Variants in COL6A6 observed in about 807,000 individuals in gnomAD.
The protein encoded by COL6A6 is collagen alpha-6(VI) chain.
Under a neutral mutation model 208.6 loss-of-function variants are expected in COL6A6, and 183 were observed. The observed-to-expected ratio is 0.88, with a 90% CI of 0.78 to 0.99. COL6A6 has a LOEUF of 0.99. COL6A6 is among the 50% of genes least tolerant of loss of function. COL6A6 has a pLI of 0.00. For missense variants in COL6A6, 2,816 were observed against 2,815.2 expected (o/e 1.00, Z -0.01); for synonymous variants, 973 against 1,011.8 (o/e 0.96, Z 0.73).
chr3:130,587,400 T>C (rs1000977495), intron 11 of COL6A6, among the ~76,000 whole-genome samples: 2 of 152,200 alleles, frequency 1.3e-5, no homozygotes, highest in Admixed American at 1.3e-4. Flanking sequence ...TAGCTGGGAT[T>C]ACCGGCGCCC....
chr3:130,564,656 C>T (rs1434321158), intron 3 of COL6A6, among the ~76,000 whole-genome samples: 1 of 152,184 alleles, frequency 6.6e-6, no homozygotes, highest in African/African-American at 2.4e-5. Context: ...GTGGATGATG[C>T]TTAAATGATT....
chr3:130,627,391 C>T, intron 26 of COL6A6, 22 bp downstream of exon 26: 1 of 1,611,356 alleles, frequency 6.2e-7, no homozygotes, highest in Non-Finnish European at 8.5e-7. Flanking sequence ...CTGCTGGAAG[C>T]TGGACGTTTT....
intron 1 of COL6A6, among the ~76,000 whole-genome samples, chr3:130,534,903 A>G (rs933181194): frequency 6.6e-6 from 1 of 151,908 alleles, no homozygotes; most frequent in African/African-American, 2.4e-5. Context: ...TATAATGAGT[A>G]TTGGGTTTTT....
chr3:130,607,404 A>G (rs1052400546), intron 21 of COL6A6, among the ~76,000 whole-genome samples: 4 of 152,172 alleles, frequency 2.6e-5, no homozygotes, highest in African/African-American at 4.8e-5. Flanking sequence ...ACCATATCCC[A>G]TTCTCATTGT....
chr3:130,535,362 AC>A (rs1197394989), intron 1 of COL6A6, among the ~76,000 whole-genome samples: 2 of 152,088 alleles, frequency 1.3e-5, no homozygotes, highest in Non-Finnish European at 2.9e-5. Flanking sequence ...CTCATTTTAT[AC>A]TTTTTTGTGC....
intron 18 of COL6A6, among the ~76,000 whole-genome samples, chr3:130,594,687 T>C (rs1273234929): frequency 6.6e-6 from 1 of 152,226 alleles, no homozygotes; most frequent in Non-Finnish European, 1.5e-5. Context: ...ATGTCTTTTT[T>C]TTCTGTTCTT....
At chr3:130,634,359 CT>C (rs759031584) in intron 26 of COL6A6, among the ~76,000 whole-genome samples, 1 of 151,508 alleles carries the variant, frequency 6.6e-6, no homozygotes, top group East Asian at 1.9e-4. Flanking sequence ...CAGATGTATA[CT>C]TTTAGCCACC....
rs549896105 is a variant in COL6A6 at position 130,563,310 on chromosome 3, G to A, written c.307G>A (p.Gly103Arg). 1.7e-5 allele frequency: 27 copies of A among 1,613,972 alleles called. No individual in the cohort carries two copies. In the East Asian group the frequency reaches 2.7e-4, roughly 16 times the overall value. ...HLRKNFGFIG[G>R]SLQIGKALQE... Reference sequence around the variant, plus strand: ...AAGGAAGAACTTTGGATTCATTGGCGGGTCCCTGCAGATAGGAAAGGCTCT... The same window carrying A: ...AAGGAAGAACTTTGGATTCATTGGCAGGTCCCTGCAGATAGGAAAGGCTCT... Residue 103 changes from glycine (G) to arginine (R), a missense_variant, in exon 3 of 37, where the codon GGG (glycine) becomes AGG (arginine). Gly to Arg is a moderately radical substitution (Grantham distance 125). Coordinates refer to ENST00000358511, the MANE Select transcript of COL6A6 (RefSeq NM_001102608.3).
rs1237653633 is a variant in COL6A6, at chr3:130,662,210, AC to A, written c.6407del (p.Pro2136LeufsTer21). ...DDKELEDLAS[H>X]PLDHHLVQLG... Reference sequence around the variant, plus strand: ...AAGGAACTGGAGGATCTCGCCAGCCACCCTTTGGATCACCACCTGGTCCAGC... The same window carrying A: ...AAGGAACTGGAGGATCTCGCCAGCCACCTTTGGATCACCACCTGGTCCAGC... On this transcript the variant is annotated frameshift_variant, in exon 35 of 37. Transcript: ENST00000358511. LOFTEE classifies it high-confidence loss of function. 20 of 1,613,884 alleles carry A rather than the reference AC, an allele frequency of 1.2e-5. No homozygotes were observed. Among genetic ancestry groups the A allele is most frequent in the Non-Finnish European group, 1.5e-5 (18 of 1,179,882 alleles).
At chr3:130,519,808 T>C (rs1196280925) in intron 1 of COL6A6, among the ~76,000 whole-genome samples, 1 of 152,210 alleles carries the variant, frequency 6.6e-6, no homozygotes, top group Non-Finnish European at 1.5e-5. Context: ...GGTAAAGCCA[T>C]CATCATCATT....
At chr3:130,613,696 T>G (rs569487966) in intron 23 of COL6A6, among the ~76,000 whole-genome samples, 1 of 152,336 alleles carries the variant, frequency 6.6e-6, no homozygotes, top group African/African-American at 2.4e-5. Flanking sequence ...GAGCAGTGTT[T>G]TGTAATTCTC....
chr3:130,528,305 T>C (rs4450781), intron 1 of COL6A6, among the ~76,000 whole-genome samples: 123,752 of 151,982 alleles, frequency 0.81, 50,953 homozygotes, highest in Non-Finnish European at 0.87. Context: ...CTTTGATGGG[T>C]ATGCAGATCA....
rs2065578331 is a variant in COL6A6, at chr3:130,649,692, T to C, written c.5733+130T>C. 5.4e-6 allele frequency: 5 copies of C among 919,842 alleles called. No homozygotes were observed. In the South Asian group the frequency reaches 8.9e-5, roughly 16 times the overall value. 57.0% of individuals were successfully genotyped at this position (919,842 alleles called of 1,614,324 possible). A position where few individuals can be genotyped will look rare whatever the true frequency, so the allele number is the denominator to read the frequency against. On this transcript the variant is annotated intron_variant, in intron 33 of 36. Coordinates refer to ENST00000358511, the MANE Select transcript of COL6A6 (RefSeq NM_001102608.3). ...TTTAAAAAATTCTGGATTGGCAGAG[T>C]AGAATAAGTATTTCTTACTGTGTAC... is the stretch of plus-strand genomic sequence containing the variant.
At chr3:130,588,962 C>A in intron 11 of COL6A6, 128 bp from the exon 12 acceptor site, 8 of 425,980 alleles carry the variant, frequency 1.9e-5, no homozygotes, top group South Asian at 1.5e-4. Flanking sequence ...CTTTCTAAAG[C>A]ACAGTCATTT....
chr3:130,641,626 A>C, intron 28 of COL6A6, 26 bp from the exon 29 acceptor site: 2 of 1,377,210 alleles, frequency 1.5e-6, no homozygotes, highest in Admixed American at 3.6e-5. Context: ...GTATAAATAC[A>C]ATTTTAAAAT....
At chr3:130,552,743 A>C (rs2062673460) in intron 1 of COL6A6, among the ~76,000 whole-genome samples, 2 of 152,176 alleles carry the variant, frequency 1.3e-5, no homozygotes, top group Admixed American at 6.5e-5. Context: ...TGCTGGTGTC[A>C]CTGGTTTATG....
chr3:130,642,625 C>G (rs566160060), intron 29 of COL6A6, among the ~76,000 whole-genome samples: 2 of 152,264 alleles, frequency 1.3e-5, no homozygotes, highest in Admixed American at 6.5e-5. Context: ...CTTGTGTGCA[C>G]CAAGCTTGCT....
Position 130,563,295 on chromosome 3 carries a change from T to A in COL6A6, c.292T>A (p.Phe98Ile), listed in dbSNP as rs1236501729. Residue 98 changes from phenylalanine to isoleucine, a missense_variant, in exon 3 of 37, where the codon TTT becomes ATT. Transcript: ENST00000358511. ...CATGCTGAACCACCTAAGGAAGAAC[T>A]TTGGATTCATTGGCGGGTCCCTGCA... ...SPMLNHLRKN[F>I]GFIGGSLQIG... 1 of 1,613,944 alleles carries A rather than the reference T, an allele frequency of 6.2e-7. No individual in the cohort carries two copies. Among genetic ancestry groups the A allele is most frequent in the African/African-American group, 1.3e-5 (1 of 75,012 alleles).
chr3:130,639,431 G>A (rs2065247200), intron 28 of COL6A6, among the ~76,000 whole-genome samples: 1 of 152,106 alleles, frequency 6.6e-6, no homozygotes, highest in South Asian at 2.1e-4. Flanking sequence ...GGTGGCTCAC[G>A]CCTATCATCC....
Sources: allele counts gnomAD v4.1 joint callset (sites outside exome capture counted in the v4.1 genomes callset), GRCh38; gene constraint gnomAD v4.1.1; transcripts MANE v1.5; gene names NCBI Gene and HGNC (gene_info 2026-07-23, HGNC 2026-07-21).